The following ZAP70 variants were observed in gnomAD, a reference collection of about 807,000 sequenced individuals.
The protein encoded by ZAP70 is zeta chain of T cell receptor associated protein kinase 70, also known as tyrosine-protein kinase ZAP-70.
ZAP70 carries 27 observed loss-of-function variants against 65.8 expected under a neutral mutation model. That is an observed-to-expected ratio of 0.41 (90% CI 0.30 to 0.57). ZAP70 has a LOEUF of 0.57. Among genes scored for constraint, ZAP70 ranks in the 20% least tolerant of loss-of-function variants. The pLI, the probability that ZAP70 is intolerant of heterozygous loss-of-function variation, is 0.28. For synonymous variants in ZAP70, 363 were observed against 360.8 expected, an observed-to-expected ratio of 1.01 and a Z score of -0.07; for missense variants, 696 against 870.5, an observed-to-expected ratio of 0.80 and a Z score of 2.52.
chr2:97,733,169 C>A lies in ZAP70; in HGVS notation c.747C>A (p.Cys249Ter). ...TGAAGGCGGACGGGCTCATCTACTG[C>A]CTGAAGGAGGCCTGCCCCAACAGCA... The part of the protein sequence containing the change: ...LKLKADGLIY[C>*]LKEACPNSSA... The change falls in exon 6 of 14, where the codon TGC (cysteine) becomes TGA (stop). Residue 249 changes from cysteine (C) to a stop codon, truncating the protein, a stop_gained. Coordinates refer to ENST00000264972, the MANE Select transcript of ZAP70 (RefSeq NM_001079.4). LOFTEE classifies it high-confidence loss of function. 1 of 1,613,818 alleles carries A rather than the reference C, an allele frequency of 6.2e-7. No homozygotes were observed. The highest frequency in any genetic ancestry group is 8.5e-7 in the Non-Finnish European group (1 of 1,179,964).
Position 97,725,191 on chromosome 2 carries a change from C to G in ZAP70, c.502C>G (p.Leu168Val). The G allele has an allele frequency of 2.5e-6, 4 of 1,614,206 alleles. No homozygotes were observed. The highest frequency in any genetic ancestry group is 2.5e-6 in the Non-Finnish European group (3 of 1,180,030). ...GCGGATGCCCTGGTACCACAGCAGC[C>G]TGACGCGTGAGGAGGCCGAGCGCAA... is the stretch of plus-strand genomic sequence containing the variant. ...HERMPWYHSSLTREEAERKLY... is the reference protein window; with the variant it reads ...HERMPWYHSSVTREEAERKLY... The change falls in exon 4 of 14, where the codon CTG (leucine) becomes GTG (valine). Residue 168 changes from leucine (L) to valine (V), a missense_variant. Transcript: ENST00000264972.
At chr2:97,748,912 C>T in the ZAP70 span, among the ~76,000 whole-genome samples, 3 of 151,466 alleles carry the variant, frequency 2.0e-5, no homozygotes, top group African/African-American at 4.9e-5. Context: ...GGGCTGATTG[C>T]GGATCTCATG....
downstream of ZAP70, among the ~76,000 whole-genome samples, chr2:97,740,179 AC>A (rs534883145): frequency 3.5e-3 from 519 of 149,638 alleles, 2 homozygotes; most frequent in Middle Eastern, 0.014. Context: ...ACAAACGCTA[AC>A]CCCCCCTCCC....
Position 97,737,420 on chromosome 2 carries a change from TGGGAACTTG to T in ZAP70, c.1290-51_1290-43del. 1 of 1,599,226 alleles carries T rather than the reference TGGGAACTTG, an allele frequency of 6.3e-7. No individual in the cohort carries two copies. Among genetic ancestry groups the T allele is most frequent in the Middle Eastern group, 1.7e-4 (1 of 5,952 alleles). The stretch of plus-strand genomic sequence containing the variant: ...GGGTCAGAGAAGCATGCTTTGCCCC[TGGGAACTTG>T]GCTAGTCTTCTCCCAGCTGACCCCG... On this transcript the variant is annotated intron_variant, in intron 10 of 13. Transcript: ENST00000264972. The surrounding 1 kb of genome is among the most constrained non-coding windows in gnomAD (Gnocchi z 5.0).
intron 2 of ZAP70, among the ~76,000 whole-genome samples, chr2:97,721,599 T>A (rs1219315651): frequency 7.1e-6 from 1 of 140,180 alleles, no homozygotes; most frequent in Non-Finnish European, 1.6e-5. Flanking sequence ...TTTTTTTTTT[T>A]TTTTTTGTAT....
intron 2 of ZAP70, among the ~76,000 whole-genome samples, chr2:97,714,428 T>C (rs761814091): frequency 6.6e-6 from 1 of 152,206 alleles, no homozygotes; most frequent in Non-Finnish European, 1.5e-5. Context: ...GAGCCACTTG[T>C]AGGCGAGCTC....
chr2:97,735,360 T>A lies in ZAP70; in HGVS notation c.1193T>A (p.Ile398Asn). ...QIMHQLDNPY[I>N]VRLIGVCQAE... The stretch of plus-strand genomic sequence containing the variant: ...ATGCACCAGCTGGACAACCCCTACA[T>A]CGTGCGGCTCATTGGCGTCTGCCAG... Residue 398 changes from isoleucine (I) to asparagine (N), a missense_variant, in exon 10 of 14, where the codon ATC becomes AAC. Coordinates refer to ENST00000264972, the MANE Select transcript of ZAP70 (RefSeq NM_001079.4). The A allele has an allele frequency of 1.2e-6, 2 of 1,614,116 alleles. No individual in the cohort carries two copies. The highest frequency in any genetic ancestry group is 1.7e-6 in the Non-Finnish European group (2 of 1,179,966).
At chr2:97,755,006 C>T in the ZAP70 span, among the ~76,000 whole-genome samples, 2 of 152,198 alleles carry the variant, frequency 1.3e-5, no homozygotes, top group African/African-American at 4.8e-5. Flanking sequence ...TTCACAATCA[C>T]GCCAAATAAC....
At chr2:97,734,256 C>T (rs1022258912) in intron 8 of ZAP70, 20 of 957,004 alleles carry the variant, frequency 2.1e-5, no homozygotes, top group Admixed American at 3.2e-5. Context: ...CCCCAGCTGG[C>T]ACAGTAACGG....
intron 9 of ZAP70, 27 bp from the exon 10 acceptor site, chr2:97,735,223 C>A (rs201988750): frequency 3.7e-6 from 6 of 1,613,194 alleles, no homozygotes; most frequent in Non-Finnish European, 4.2e-6. Context: ...CCCTCGCCCA[C>A]GTGCCTCCCG....
At chr2:97,732,195 C>G (rs1677639524) in intron 4 of ZAP70, among the ~76,000 whole-genome samples, 1 of 152,154 alleles carries the variant, frequency 6.6e-6, no homozygotes, top group Non-Finnish European at 1.5e-5. Context: ...TGACAAAATT[C>G]CAGCAGAAGG....
At chr2:97,740,235 C>T (rs1299104933), downstream of ZAP70, among the ~76,000 whole-genome samples, 1 of 152,182 alleles carries the variant, frequency 6.6e-6, no homozygotes, top group African/African-American at 2.4e-5. Flanking sequence ...CCTTGCAAAT[C>T]ATGAGATACA....
At position 97,724,234 on chromosome 2, in the gene ZAP70, C is replaced by T. The variant is rs781177968; in HGVS notation, c.198C>T (p.Asn66=). Residue 66 remains asparagine, a synonymous_variant, in exon 3 of 14, where the codon AAC becomes AAT. Transcript: ENST00000264972. The part of the protein sequence containing the change: ...FHHFPIERQL[N]GTYAIAGGKA... Reference sequence around the variant, plus strand: ...ACTTTCCCATCGAGCGCCAGCTCAACGGCACCTACGCCATTGCCGGCGGCA... The same window carrying T: ...ACTTTCCCATCGAGCGCCAGCTCAATGGCACCTACGCCATTGCCGGCGGCA... 3.7e-6 allele frequency: 6 copies of T among 1,603,366 alleles called. No individual in the cohort carries two copies. The South Asian group carries it at 6.7e-5, about 18-fold the overall frequency.
chr2:97,746,006 ACT>A, the ZAP70 span, among the ~76,000 whole-genome samples: 2 of 152,168 alleles, frequency 1.3e-5, no homozygotes, highest in African/African-American at 4.8e-5. Context: ...CAAGAGGGAA[ACT>A]CTCTTGCCTG....
chr2:97,750,299 A>C, the ZAP70 span, among the ~76,000 whole-genome samples: 1 of 152,202 alleles, frequency 6.6e-6, no homozygotes, highest in South Asian at 2.1e-4. Flanking sequence ...AACAACAGTG[A>C]GCTGGGGTGT....
chr2:97,724,669 T>C, intron 3 of ZAP70: 1 of 1,526,958 alleles, frequency 6.5e-7, no homozygotes, highest in Non-Finnish European at 8.8e-7. Context: ...GGTGCTCTAC[T>C]ATGCCAGATG....
At chr2:97,746,081 A>G in the ZAP70 span, among the ~76,000 whole-genome samples, 1 of 152,194 alleles carries the variant, frequency 6.6e-6, no homozygotes, top group Non-Finnish European at 1.5e-5. Flanking sequence ...AAGGACAAAC[A>G]TCGTATGGTT....
At chr2:97,752,824 A>G in the ZAP70 span, among the ~76,000 whole-genome samples, 1 of 152,292 alleles carries the variant, frequency 6.6e-6, no homozygotes, top group East Asian at 1.9e-4. Flanking sequence ...TGTGGGAGCA[A>G]ATGTTTTAGT....
At chr2:97,746,526 AGAG>A in the ZAP70 span, among the ~76,000 whole-genome samples, 7 of 152,208 alleles carry the variant, frequency 4.6e-5, no homozygotes, top group African/African-American at 1.7e-4. Context: ...CAGAACTTTC[AGAG>A]GAGGTTAAGG....
Sources: allele counts gnomAD v4.1 joint callset (sites outside exome capture counted in the v4.1 genomes callset), GRCh38; gene constraint gnomAD v4.1.1; non-coding constraint Gnocchi (gnomAD v3.1); transcripts MANE v1.5; gene names NCBI Gene and HGNC (gene_info 2026-07-23, HGNC 2026-07-21).